The following MAST4 variants were observed in gnomAD, a reference collection of about 807,000 sequenced individuals.
MAST4 encodes microtubule associated serine/threonine kinase family member 4, also known as microtubule-associated serine/threonine-protein kinase 4.
A neutral mutation model predicts 162.7 loss-of-function variants in MAST4; 89 were observed. The observed-to-expected ratio is 0.55, with a 90% CI of 0.46 to 0.65. MAST4 has a LOEUF of 0.65. Ranked by LOEUF, MAST4 falls within the 30% of genes least tolerant of loss-of-function variation. The probability of loss-of-function intolerance (pLI) is 0.00; values close to 1 mark genes in which losing one functional copy is unlikely to be tolerated. For synonymous variants in MAST4, 1,479 were observed against 1,361.1 expected (o/e 1.09, Z -1.91); for missense variants, 3,153 against 3,374.0 (o/e 0.93, Z 1.62).
intron 1 of MAST4, among the ~76,000 whole-genome samples, chr5:66,758,554 T>TTACTGATGTGAGCCACTGCGC: frequency 6.6e-6 from 1 of 152,106 alleles, no homozygotes; most frequent in Non-Finnish European, 1.5e-5. Context: ...AATGCTAGGA[T>TTACTGATGTGAGCCACTGCGC]TACTGATGTG....
chr5:66,690,336 C>A (rs1246021716), intron 1 of MAST4, among the ~76,000 whole-genome samples: 1 of 152,128 alleles, frequency 6.6e-6, no homozygotes, highest in African/African-American at 2.4e-5. Context: ...ATTCTAAAAT[C>A]TGGGAAGGGG....
In MAST4 at chr5:66,596,588, T is replaced by C; in HGVS notation, c.-68T>C. 1 of 1,360,526 alleles carries C rather than the reference T, an allele frequency of 7.4e-7. No individual in the cohort carries two copies. Among genetic ancestry groups the C allele is most frequent in the South Asian group, 1.9e-5 (1 of 53,458 alleles). The allele number at this position is 1,360,526 out of a possible 1,614,324, so 84.3% of individuals were successfully genotyped here. ...AGCCTGAGCCCAGGAGCCCGCGTCTTCCCCGGGAGGCGCTGAGTGCGCGCC... is the reference window on the plus strand; with the variant it reads ...AGCCTGAGCCCAGGAGCCCGCGTCTCCCCCGGGAGGCGCTGAGTGCGCGCC... On this transcript the variant is annotated 5_prime_UTR_variant, in exon 1 of 29. Coordinates refer to ENST00000403625, the MANE Select transcript of MAST4 (RefSeq NM_001164664.2).
intron 1 of MAST4, among the ~76,000 whole-genome samples, chr5:66,759,323 T>A (rs148395269): frequency 1.1e-4 from 17 of 152,358 alleles, no homozygotes; most frequent in Admixed American, 7.8e-4. Flanking sequence ...TGACCTAGGA[T>A]ACACACACAT....
intron 4 of MAST4, among the ~76,000 whole-genome samples, chr5:66,954,525 C>T (rs1745071580): frequency 2.0e-5 from 3 of 152,036 alleles, no homozygotes; most frequent in Admixed American, 2.0e-4. Context: ...CAACACACAA[C>T]ACACTTGCCT....
At chr5:67,139,598 G>A (rs1396577920) in intron 19 of MAST4, among the ~76,000 whole-genome samples, 4 of 152,182 alleles carry the variant, frequency 2.6e-5, no homozygotes, top group African/African-American at 9.7e-5. Flanking sequence ...GGATTATTGT[G>A]AGGAGTAAAT....
At chr5:66,846,818 G>A (rs534332657) in intron 3 of MAST4, among the ~76,000 whole-genome samples, 113 of 152,216 alleles carry the variant, frequency 7.4e-4, no homozygotes, top group African/African-American at 2.6e-3. Context: ...GGCTCATGGA[G>A]GTAAAATGGT....
chr5:67,047,127 A>G (rs369892170), intron 4 of MAST4, among the ~76,000 whole-genome samples: 2 of 152,264 alleles, frequency 1.3e-5, no homozygotes, highest in Non-Finnish European at 2.9e-5. Context: ...GTAAAATACT[A>G]TATTTGAAAG....
rs575867798 is a variant in MAST4 at position 67,020,250 on chromosome 5, T to C, written c.675-34154T>C. Among the ~76,000 whole-genome samples, 163 of 152,338 alleles carry C rather than the reference T, an allele frequency of 1.1e-3. 1 individual carries two copies. Among genetic ancestry groups the C allele is most frequent in the African/African-American group, 3.7e-3 (154 of 41,580 alleles). ...GCCACATCCTCTTTTAAAGTAGTTA[T>C]GGATGGTGTACTAGCTGGTCATGGA... On this transcript the variant is annotated intron_variant, in intron 4 of 28. Coordinates refer to ENST00000403625, the MANE Select transcript of MAST4 (RefSeq NM_001164664.2).
At chr5:66,803,247 A>G (rs1339474856) in intron 3 of MAST4, among the ~76,000 whole-genome samples, 1 of 152,198 alleles carries the variant, frequency 6.6e-6, no homozygotes, top group Non-Finnish European at 1.5e-5. Context: ...TAGTCGGTCA[A>G]TCCATCTGTC....
intron 26 of MAST4, among the ~76,000 whole-genome samples, chr5:67,155,982 C>G (rs1453874052): frequency 1.3e-5 from 2 of 151,512 alleles, no homozygotes; most frequent in Non-Finnish European, 2.9e-5. Context: ...TTTCTTGAAC[C>G]CGGGAGGCGG....
intron 4 of MAST4, among the ~76,000 whole-genome samples, chr5:67,026,988 A>T (rs918489568): frequency 3.3e-5 from 5 of 152,182 alleles, no homozygotes; most frequent in Non-Finnish European, 7.4e-5. Context: ...CATGTTAAAT[A>T]TGGAAGGTAG....
At position 67,130,317 on chromosome 5, in the gene MAST4, A is replaced by C; in HGVS notation, c.1853A>C (p.Glu618Ala). ...LRNQIQQAFV[E>A]RDILTFAENP... Reference sequence around the variant, plus strand: ...AACCAGATCCAGCAGGCCTTTGTGGAGCGGGATATCCTGACTTTTGCAGAA... The same window carrying C: ...AACCAGATCCAGCAGGCCTTTGTGGCGCGGGATATCCTGACTTTTGCAGAA... The change falls in exon 15 of 29, where the codon GAG (glutamate) becomes GCG (alanine). Residue 618 changes from glutamate (E) to alanine (A), a missense_variant. By Grantham distance (107) the Glu-to-Ala change is moderately radical. Around this residue, in one of 7 missense-constraint regions of MAST4, gnomAD observed 131 missense variants for 253.8 expected, o/e 0.52. Coordinates refer to ENST00000403625, the MANE Select transcript of MAST4 (RefSeq NM_001164664.2). 6.2e-7 allele frequency: 1 copy of C among 1,613,936 alleles called. No individual in the cohort carries two copies. Among genetic ancestry groups the C allele is most frequent in the Non-Finnish European group, 8.5e-7 (1 of 1,179,850 alleles).
chr5:66,596,447 T>G lies in MAST4; in HGVS notation c.-209T>G, dbSNP rs1289971463. 15 of 515,626 alleles carry G rather than the reference T, an allele frequency of 2.9e-5. No individual in the cohort carries two copies. Among genetic ancestry groups the G allele is most frequent in the Non-Finnish European group, 3.9e-5 (13 of 333,662 alleles). The allele number at this position is 515,626 out of a possible 1,614,324, so 31.9% of individuals were successfully genotyped here. Reference sequence around the variant, plus strand: ...GGGCATGTCCCCGCGCGCGGGAGCCTCCGTTTGCGGCCGGGCCCGGGCGGC... The same window carrying G: ...GGGCATGTCCCCGCGCGCGGGAGCCGCCGTTTGCGGCCGGGCCCGGGCGGC... On this transcript the variant is annotated 5_prime_UTR_variant, in exon 1 of 29. Coordinates refer to ENST00000403625, the MANE Select transcript of MAST4 (RefSeq NM_001164664.2).
intron 19 of MAST4, among the ~76,000 whole-genome samples, chr5:67,138,954 A>G (rs1770025308): frequency 6.6e-6 from 1 of 152,198 alleles, no homozygotes; most frequent in Admixed American, 6.5e-5. Context: ...TGTGATAATG[A>G]TCAGCATCTC....
intron 3 of MAST4, among the ~76,000 whole-genome samples, chr5:66,820,902 T>A (rs191316920): frequency 6.6e-6 from 1 of 152,286 alleles, no homozygotes; most frequent in Admixed American, 6.5e-5. Context: ...AAAAAGATGA[T>A]GCAAACGTCA....
chr5:66,778,067 C>T (rs1452685806), intron 2 of MAST4, among the ~76,000 whole-genome samples: 1 of 152,264 alleles, frequency 6.6e-6, no homozygotes, highest in East Asian at 1.9e-4. Flanking sequence ...CCTAGCATTG[C>T]TCAGACACCA....
chr5:66,730,515 TGTGATA>T (rs1228851947), intron 1 of MAST4, among the ~76,000 whole-genome samples: 2 of 152,138 alleles, frequency 1.3e-5, no homozygotes, highest in Admixed American at 1.3e-4. Flanking sequence ...TGTTTGAAAA[TGTGATA>T]GCTCATTATA....
chr5:66,984,807 C>A (rs984190887), intron 4 of MAST4, among the ~76,000 whole-genome samples: 29 of 151,922 alleles, frequency 1.9e-4, no homozygotes, highest in African/African-American at 7.0e-4. Context: ...AAGGATGGGT[C>A]CTAGATTGTC....
At chr5:66,702,493 G>A (rs1231624583) in intron 1 of MAST4, among the ~76,000 whole-genome samples, 2 of 152,144 alleles carry the variant, frequency 1.3e-5, no homozygotes, top group African/African-American at 2.4e-5. Flanking sequence ...GTGTGTGTAT[G>A]TGGGGAGTGA....
Sources: gnomAD v4.1 joint callset for allele counts (sites outside exome capture counted in the v4.1 genomes callset) on GRCh38, gnomAD v4.1.1 for gene constraint, gnomAD v4.1.1 regional missense constraint, MANE v1.5 for transcripts, NCBI Gene and HGNC (gene_info 2026-07-23, HGNC 2026-07-21) for gene names.